Variants in MAP3K20 observed in about 807,000 individuals in gnomAD.
MAP3K20 encodes the protein HCCS-4.
Under a neutral mutation model 85.7 loss-of-function variants are expected in MAP3K20, and 40 were observed. The observed-to-expected ratio is 0.47, with a 90% CI of 0.36 to 0.61. The LOEUF (loss-of-function observed/expected upper bound fraction) is 0.61, where lower values mean the gene tolerates loss of function less well. MAP3K20 is among the 20% of genes least tolerant of loss of function. The pLI is 0.00. For synonymous variants in MAP3K20, 325 were observed against 327.7 expected, an observed-to-expected ratio of 0.99 and a Z score of 0.09; for missense variants, 817 against 961.7, an observed-to-expected ratio of 0.85 and a Z score of 1.99.
chr2:173,103,695 C>T (rs141316165), intron 2 of MAP3K20, among the ~76,000 whole-genome samples: 7 of 152,314 alleles, frequency 4.6e-5, no homozygotes, highest in African/African-American at 1.7e-4. Context: ...CTAACACTTC[C>T]AGTTTTATCT....
At chr2:173,195,944 T>G (rs936151377) in intron 7 of MAP3K20, among the ~76,000 whole-genome samples, 1 of 152,180 alleles carries the variant, frequency 6.6e-6, no homozygotes, top group Non-Finnish European at 1.5e-5. Context: ...TAAATTTTAT[T>G]AGATTTTGGA....
At chr2:173,237,942 G>T (rs1002150351) in intron 14 of MAP3K20, among the ~76,000 whole-genome samples, 3 of 152,146 alleles carry the variant, frequency 2.0e-5, no homozygotes, top group Non-Finnish European at 2.9e-5. Context: ...AAGGCAGGAG[G>T]CCAGGATTTC....
Position 173,219,885 on chromosome 2 carries a change from A to G in MAP3K20, c.987+2635A>G, listed in dbSNP as rs552083652. Among the ~76,000 whole-genome samples, 83 of 152,092 alleles carry G rather than the reference A, an allele frequency of 5.5e-4. No homozygotes were observed. In the South Asian group the frequency reaches 0.011, roughly 20 times the overall value. ...CGTTCAAGACCAGCCTGGACAGCAT[A>G]GTGAAACCCCATCTCTACTAAAAAT... On this transcript the variant is annotated intron_variant, in intron 11 of 19. Transcript: ENST00000375213.
chr2:173,155,637 T>C (rs1689444301), intron 2 of MAP3K20, among the ~76,000 whole-genome samples: 1 of 152,212 alleles, frequency 6.6e-6, no homozygotes, highest in African/African-American at 2.4e-5. Flanking sequence ...CAGAAAAGCT[T>C]ATCTGAAAGT....
chr2:173,203,229 C>T (rs1024911455), intron 8 of MAP3K20, among the ~76,000 whole-genome samples: 2 of 152,176 alleles, frequency 1.3e-5, no homozygotes, highest in Non-Finnish European at 2.9e-5. Context: ...ACCATCCTCA[C>T]ATTATAATTT....
chr2:173,116,593 C>G (rs1296704239), intron 2 of MAP3K20, among the ~76,000 whole-genome samples: 5 of 152,244 alleles, frequency 3.3e-5, no homozygotes, highest in African/African-American at 1.2e-4. Flanking sequence ...GCCGCAGGCT[C>G]ATTTCTTCAT....
At chr2:173,089,672 T>C (rs1261294166) in intron 1 of MAP3K20, among the ~76,000 whole-genome samples, 1 of 151,978 alleles carries the variant, frequency 6.6e-6, no homozygotes, top group Non-Finnish European at 1.5e-5. Flanking sequence ...AACCTCCACC[T>C]CCTGGGTTCA....
At chr2:173,096,286 T>A (rs1007439143) in intron 2 of MAP3K20, among the ~76,000 whole-genome samples, 2 of 152,108 alleles carry the variant, frequency 1.3e-5, no homozygotes, top group African/African-American at 2.4e-5. Context: ...ATCAGAAAAA[T>A]TCAATTTAAA....
At chr2:173,157,264 A>G (rs774289431) in intron 2 of MAP3K20, among the ~76,000 whole-genome samples, 12 of 151,658 alleles carry the variant, frequency 7.9e-5, no homozygotes, top group Non-Finnish European at 1.3e-4. Context: ...AATCCCTTCC[A>G]TTCTTAATAT....
intron 3 of MAP3K20, among the ~76,000 whole-genome samples, chr2:173,181,646 A>G (rs1038934465): frequency 6.6e-6 from 1 of 152,340 alleles, no homozygotes; most frequent in African/African-American, 2.4e-5. Context: ...ATATCTATCA[A>G]CTGGGGACTG....
intron 7 of MAP3K20, among the ~76,000 whole-genome samples, chr2:173,192,744 C>G (rs566036647): frequency 1.3e-5 from 2 of 152,110 alleles, no homozygotes; most frequent in South Asian, 4.1e-4. Flanking sequence ...AGATTGTTTT[C>G]TCTTGTGAAA....
At chr2:173,134,415 TATATATA>T (rs1688728895) in intron 2 of MAP3K20, among the ~76,000 whole-genome samples, 9 of 16,426 alleles carry the variant, frequency 5.5e-4, no homozygotes, top group African/African-American at 1.3e-3. Flanking sequence ...TATATATATA[TATATATA>T]TATATATTTT....
At chr2:173,108,119 A>G (rs1247983733) in intron 2 of MAP3K20, among the ~76,000 whole-genome samples, 1 of 151,216 alleles carries the variant, frequency 6.6e-6, no homozygotes, top group Admixed American at 6.6e-5. Flanking sequence ...TTTGTGTTAT[A>G]AACTGGGATT....
chr2:173,238,686 A>C (rs1333316104), intron 15 of MAP3K20, among the ~76,000 whole-genome samples: 1 of 152,224 alleles, frequency 6.6e-6, no homozygotes, highest in African/African-American at 2.4e-5. Flanking sequence ...AGGAGTTGTA[A>C]GTGCCAACAT....
chr2:173,258,625 T>C, intron 16 of MAP3K20, 74 bp from the exon 17 acceptor site: 1 of 759,672 alleles, frequency 1.3e-6, no homozygotes, highest in South Asian at 1.7e-5. Context: ...ATATTTTATG[T>C]GTTAGGAAAT....
intron 1 of MAP3K20, chr2:173,090,635 G>A: frequency 1.0e-6 from 1 of 994,602 alleles, no homozygotes; most frequent in Non-Finnish European, 1.2e-6. Context: ...GCTTGCTGTG[G>A]AAAGCATGCT....
At chr2:173,242,296 A>G (rs1452428244) in intron 16 of MAP3K20, among the ~76,000 whole-genome samples, 3 of 151,394 alleles carry the variant, frequency 2.0e-5, no homozygotes, top group Non-Finnish European at 4.4e-5. Flanking sequence ...CTGCCTCAGA[A>G]GTACCTGGGA....
chr2:173,236,266 TAAAAAAAAAAAAA>T (rs67764486), intron 14 of MAP3K20, among the ~76,000 whole-genome samples: 1 of 64,706 alleles, frequency 1.5e-5, no homozygotes. Flanking sequence ...AGACCCTGTC[TAAAAAAAAAAAAA>T]AAAAAAAAAA....
intron 2 of MAP3K20, among the ~76,000 whole-genome samples, chr2:173,153,690 CAGA>C (rs1171404387): frequency 6.6e-6 from 1 of 152,156 alleles, no homozygotes; most frequent in Non-Finnish European, 1.5e-5. Context: ...ACGGTATCTG[CAGA>C]AGATTTGTCC....
Sources: gnomAD v4.1 joint callset for allele counts (sites outside exome capture counted in the v4.1 genomes callset) on GRCh38, gnomAD v4.1.1 for gene constraint, MANE v1.5 for transcripts, NCBI Gene and HGNC (gene_info 2026-07-23, HGNC 2026-07-21) for gene names.